Variants in MARVELD3 observed in about 807,000 individuals in gnomAD.
MARVELD3 encodes the protein MARVEL domain-containing protein 3.
Under a neutral mutation model 33.5 loss-of-function variants are expected in MARVELD3, and 28 were observed. That is an observed-to-expected ratio of 0.84 (90% CI 0.62 to 1.15). The LOEUF is 1.15. Ranked by LOEUF, MARVELD3 falls within the 50% of genes most tolerant of loss-of-function variation. MARVELD3 has a pLI of 0.00. For synonymous variants in MARVELD3, 241 were observed against 230.4 expected, an observed-to-expected ratio of 1.05 and a Z score of -0.42; for missense variants, 582 against 547.6, an observed-to-expected ratio of 1.06 and a Z score of -0.63.
downstream of MARVELD3, among the ~76,000 whole-genome samples, chr16:71,640,181 A>G (rs906231266): frequency 2.0e-5 from 3 of 151,912 alleles, no homozygotes; most frequent in African/African-American, 7.3e-5. Flanking sequence ...AGGCAGGAGA[A>G]TCGCTTGAAG....
chr16:71,641,130 A>C, downstream of MARVELD3: 4 of 1,385,434 alleles, frequency 2.9e-6, no homozygotes, highest in South Asian at 5.8e-5. Context: ...ACTTGACTTT[A>C]TAAATGCTCT....
At chr16:71,627,072 T>G (rs1303616354) in intron 1 of MARVELD3, among the ~76,000 whole-genome samples, 3 of 152,190 alleles carry the variant, frequency 2.0e-5, no homozygotes, top group Admixed American at 6.5e-5. Context: ...GCCTTGGGGT[T>G]CAGACCCTTG....
At position 71,634,816 on chromosome 16, in the gene MARVELD3, C is replaced by A; in HGVS notation, c.*13C>A. ...GTTTGAATTTTAAGGGTTTCTAAAA[C>A]GCTCTGACAGATGCAAGTGGTGGTG... On this transcript the variant is annotated 3_prime_UTR_variant, in exon 3 of 3. Coordinates refer to ENST00000268485, the MANE Select transcript of MARVELD3 (RefSeq NM_052858.6). 6.4e-7 allele frequency: 1 copy of A among 1,568,310 alleles called. No homozygotes were observed. Among genetic ancestry groups the A allele is most frequent in the Non-Finnish European group, 8.6e-7 (1 of 1,158,710 alleles).
downstream of MARVELD3, chr16:71,640,281 G>T: frequency 3.6e-5 from 40 of 1,101,598 alleles, no homozygotes; most frequent in South Asian, 4.8e-5. Flanking sequence ...AAAAAAAAAA[G>T]TTGACATTGA....
At chr16:71,640,278 AAAG>A, downstream of MARVELD3, 1 of 1,310,902 alleles carries the variant, frequency 7.6e-7, no homozygotes, top group Non-Finnish European at 1.0e-6. Flanking sequence ...AAAAAAAAAA[AAAG>A]TTGACATTGA....
Position 71,626,590 on chromosome 16 carries a change from G to A in MARVELD3, c.361G>A (p.Gly121Arg), listed in dbSNP as rs751601861. ...AAGCCGGACGCGGGACGGAGCCCGG[G>A]GACTGACCTGGGACGCAGCCGCGCC... Reference protein sequence around the residue: ...RQSRTRDGARGLTWDAAAPPG... With the variant: ...RQSRTRDGARRLTWDAAAPPG... Residue 121 changes from glycine to arginine, a missense_variant, in exon 1 of 3, where the codon GGA becomes AGA. Coordinates refer to ENST00000268485, the MANE Select transcript of MARVELD3 (RefSeq NM_052858.6). The surrounding 1 kb of genome is among the most constrained non-coding windows in gnomAD (Gnocchi z 5.3). 1 of 1,544,358 alleles carries A rather than the reference G, an allele frequency of 6.5e-7. No individual in the cohort carries two copies. The highest frequency in any genetic ancestry group is 1.2e-5 in the South Asian group (1 of 83,914).
rs1315735999 is a variant in MARVELD3, at chr16:71,626,687, G to A, written c.458G>A (p.Arg153Lys). Residue 153 changes from arginine to lysine, a missense_variant, in exon 1 of 3, where the codon AGA (arginine) becomes AAA (lysine). Arg to Lys is a conservative substitution (Grantham distance 26, BLOSUM62 2). Transcript: ENST00000268485. This position sits in a 1 kb window ranked among gnomAD's most constrained non-coding sequence, Gnocchi z 5.3. ...AGGAAGGGAGACCCCGGGCGCCGCA[G>A]ACCCGAAAGGTGAGAGGGGCCGGGG... The part of the protein sequence containing the change: ...PQRKGDPGRR[R>K]PESEPPSERY... 1.3e-6 allele frequency: 2 copies of A among 1,491,364 alleles called. No homozygotes were observed. The highest frequency in any genetic ancestry group is 1.4e-5 in the African/African-American group (1 of 71,064). The allele number at this position is 1,491,364 out of a possible 1,614,324, so 92.4% of individuals were successfully genotyped here.
downstream of MARVELD3, chr16:71,640,527 G>C (rs200541338): frequency 6.2e-7 from 1 of 1,614,170 alleles, no homozygotes; most frequent in Non-Finnish European, 8.5e-7. Context: ...CTCACCGTTC[G>C]AGGGCACTGA....
chr16:71,629,227 C>A, intron 1 of MARVELD3, 140 bp from the exon 2 acceptor site: 2 of 998,596 alleles, frequency 2.0e-6, no homozygotes, highest in Non-Finnish European at 2.8e-6. Flanking sequence ...CCAGAGAATT[C>A]TCTGGAGTTT....
At position 71,626,494 on chromosome 16, in the gene MARVELD3, C is replaced by G. The variant is rs1385353369; in HGVS notation, c.265C>G (p.Pro89Ala). ...RERERDPDRG[P>A]RRDTHRDAGP... ...GAGGGAAAGAGACCCGGACCGAGGCCCCCGCCGGGACACACACAGGGACGC... is the reference window on the plus strand; with the variant it reads ...GAGGGAAAGAGACCCGGACCGAGGCGCCCGCCGGGACACACACAGGGACGC... The change falls in exon 1 of 3, where the codon CCC (proline) becomes GCC (alanine). Residue 89 changes from proline (P) to alanine (A), a missense_variant. Pro to Ala is a conservative substitution (Grantham distance 27). Transcript: ENST00000268485. This position sits in a 1 kb window ranked among gnomAD's most constrained non-coding sequence, Gnocchi z 5.3. 6.5e-7 allele frequency: 1 copy of G among 1,549,656 alleles called. No homozygotes were observed. The highest frequency in any genetic ancestry group is 2.0e-5 in the Admixed American group (1 of 50,994).
downstream of MARVELD3, among the ~76,000 whole-genome samples, chr16:71,637,028 T>G (rs955244034): frequency 4.6e-5 from 7 of 152,162 alleles, no homozygotes; most frequent in Non-Finnish European, 1.0e-4. Flanking sequence ...TCGCCACCCT[T>G]TTCCCCTTCC....
downstream of MARVELD3, chr16:71,639,483 G>C (rs1167756509): frequency 8.5e-5 from 9 of 106,466 alleles, no homozygotes; most frequent in South Asian, 2.6e-3. Flanking sequence ...GTCTCGCTTT[G>C]TCACCCAGAC....
rs1387783987 is a variant in MARVELD3 at position 71,626,545 on chromosome 16, G to A, written c.316G>A (p.Val106Ile). 7 of 1,549,450 alleles carry A rather than the reference G, an allele frequency of 4.5e-6. No individual in the cohort carries two copies. In the Admixed American group the frequency reaches 7.8e-5, roughly 17 times the overall value. The change falls in exon 1 of 3, where the codon GTT becomes ATT. Residue 106 changes from valine (V) to isoleucine (I), a missense_variant. Physicochemically the swap from Val to Ile is conservative, Grantham distance 29. Transcript: ENST00000268485. The surrounding 1 kb of genome is among the most constrained non-coding windows in gnomAD (Gnocchi z 5.3). ...DAGPRAGEHG[V>I]WEKPRQSRTR... ...GGGCCCTCGCGCAGGTGAACACGGA[G>A]TTTGGGAAAAACCGCGCCAAAGCCG... is the stretch of plus-strand genomic sequence containing the variant.
At chr16:71,641,203 A>G (rs1283304132), downstream of MARVELD3, 3 of 778,612 alleles carry the variant, frequency 3.9e-6, no homozygotes, top group Non-Finnish European at 6.0e-6. Flanking sequence ...CTGTAATCCC[A>G]GCACTTTGGG....
Position 71,635,448 on chromosome 16 carries a change from T to G in MARVELD3, c.*645T>G, listed in dbSNP as rs936063674. ...GTCACCAAGAGAATTTGATGAACCTTACCTTCAAAGTTCCTGGGCACAGTG... is the reference window on the plus strand; with the variant it reads ...GTCACCAAGAGAATTTGATGAACCTGACCTTCAAAGTTCCTGGGCACAGTG... On this transcript the variant is annotated 3_prime_UTR_variant, in exon 3 of 3. Coordinates refer to ENST00000268485, the MANE Select transcript of MARVELD3 (RefSeq NM_052858.6). 2.0e-6 allele frequency: 2 copies of G among 984,042 alleles called. No individual in the cohort carries two copies. The highest frequency in any genetic ancestry group is 3.5e-5 in the African/African-American group (2 of 56,750). 61.0% of individuals were successfully genotyped at this position (984,042 alleles called of 1,614,324 possible).
chr16:71,630,947 C>T (rs2044526971), intron 2 of MARVELD3, among the ~76,000 whole-genome samples: 1 of 152,148 alleles, frequency 6.6e-6, no homozygotes, highest in Non-Finnish European at 1.5e-5. Flanking sequence ...TTGGCCTTGC[C>T]AGCAATGAAG....
chr16:71,635,168 A>C lies in MARVELD3; in HGVS notation c.*365A>C. ...CATGGTGAGCCCCCGTCTCTACTAA[A>C]ATACAAAAAAATTAGCCAGGCGTGG... On this transcript the variant is annotated 3_prime_UTR_variant, in exon 3 of 3. Coordinates refer to ENST00000268485, the MANE Select transcript of MARVELD3 (RefSeq NM_052858.6). 1 of 767,972 alleles carries C rather than the reference A, an allele frequency of 1.3e-6. No homozygotes were observed. Among genetic ancestry groups the C allele is most frequent in the Non-Finnish European group, 1.6e-6 (1 of 628,658 alleles). 47.6% of individuals were successfully genotyped at this position (767,972 alleles called of 1,614,324 possible). A position where few individuals can be genotyped will look rare whatever the true frequency, so the allele number is the denominator to read the frequency against.
chr16:71,629,642 T>TAA (rs533759724), intron 2 of MARVELD3, 148 bp downstream of exon 2: 54,968 of 318,196 alleles, frequency 0.17, 5,436 homozygotes, highest in African/African-American at 0.33. Flanking sequence ...CTTGTTTTCT[T>TAA]AAAAAAAAAA....
intron 2 of MARVELD3, among the ~76,000 whole-genome samples, chr16:71,631,454 C>CT (rs529217061): frequency 8.6e-4 from 127 of 146,842 alleles, no homozygotes; most frequent in Middle Eastern, 3.5e-3. Flanking sequence ...GTATAACTGT[C>CT]TTTTTTTTTT....
Sources: allele counts gnomAD v4.1 joint callset (sites outside exome capture counted in the v4.1 genomes callset), GRCh38; gene constraint gnomAD v4.1.1; non-coding constraint Gnocchi (gnomAD v3.1); transcripts MANE v1.5; gene names NCBI Gene and HGNC (gene_info 2026-07-23, HGNC 2026-07-21).